ZBBX: variants seen among roughly 807,000 people sequenced by gnomAD.
ZBBX encodes zinc finger B-box domain-containing protein 1.
ZBBX carries 101 observed loss-of-function variants against 108.5 expected under a neutral mutation model. The observed-to-expected ratio is 0.93, with a 90% confidence interval of 0.79 to 1.10. The LOEUF (loss-of-function observed/expected upper bound fraction) is 1.10, where lower values mean the gene tolerates loss of function less well. Among genes scored for constraint, ZBBX ranks in the 50% least tolerant of loss-of-function variants. ZBBX has a pLI of 0.00. For synonymous variants in ZBBX, 356 were observed against 323.4 expected (o/e 1.10, Z -1.08); for missense variants, 1,009 against 941.4 (o/e 1.07, Z -0.94).
intron 1 of ZBBX, among the ~76,000 whole-genome samples, chr3:167,397,035 C>T (rs929069370): frequency 6.1e-5 from 9 of 148,706 alleles, no homozygotes; most frequent in African/African-American, 2.0e-4. Flanking sequence ...ATTTTTTTCC[C>T]TTTTTTAAAT....
chr3:167,234,194 CTGTACTAA>C, the ZBBX span, among the ~76,000 whole-genome samples: 1 of 151,956 alleles, frequency 6.6e-6, no homozygotes, highest in East Asian at 1.9e-4. Context: ...CCTGGCTCTA[CTGTACTAA>C]TATTTAACAT....
intron 1 of ZBBX, among the ~76,000 whole-genome samples, chr3:167,398,046 C>T (rs1748306271): frequency 6.6e-6 from 1 of 151,650 alleles, no homozygotes; most frequent in Non-Finnish European, 1.5e-5. Context: ...TTTGTTCTGG[C>T]ACTTTGTTTC....
At chr3:167,276,405 T>C (rs1269442029) in intron 20 of ZBBX, among the ~76,000 whole-genome samples, 2 of 152,160 alleles carry the variant, frequency 1.3e-5, no homozygotes, top group Non-Finnish European at 2.9e-5. Context: ...AAGGAGCTGA[T>C]GGAGCTGAAA....
At chr3:167,192,340 G>A in the ZBBX span, among the ~76,000 whole-genome samples, 2 of 151,994 alleles carry the variant, frequency 1.3e-5, no homozygotes, top group Admixed American at 6.6e-5. Context: ...ACTTTTGTTT[G>A]TCTAGGAAAG....
intron 20 of ZBBX, among the ~76,000 whole-genome samples, chr3:167,277,730 A>G (rs960052674): frequency 2.0e-5 from 3 of 152,290 alleles, no homozygotes; most frequent in African/African-American, 7.2e-5. Context: ...AATTGAACTC[A>G]GCTCTGCACC....
chr3:167,287,965 G>A (rs937995303), intron 19 of ZBBX, among the ~76,000 whole-genome samples: 1 of 152,104 alleles, frequency 6.6e-6, no homozygotes, highest in Non-Finnish European at 1.5e-5. Flanking sequence ...CAAATCATAT[G>A]CAATTAAATT....
At chr3:167,397,415 G>A (rs1382195940) in intron 1 of ZBBX, among the ~76,000 whole-genome samples, 2 of 151,594 alleles carry the variant, frequency 1.3e-5, no homozygotes, top group Non-Finnish European at 2.9e-5. Context: ...ATATGCACAT[G>A]CACAAAAACA....
At position 167,388,247 on chromosome 3, in the gene ZBBX, G is replaced by C. The variant is rs557115757; in HGVS notation, c.-445-7842C>G. Among the ~76,000 whole-genome samples, 49 of 151,930 alleles carry C rather than the reference G, an allele frequency of 3.2e-4. 1 individual carries two copies. The highest frequency in any genetic ancestry group is 1.0e-3 in the African/African-American group (43 of 41,456). On this transcript the variant is annotated intron_variant, in intron 1 of 21. Coordinates refer to the ZBBX transcript ENST00000455345. ...AGAGGAACATCAATATCCTAGGGTG[G>C]AACAAATGAGAGTGTGGTTTAAATG...
chr3:167,296,532 T>G (rs1168054193), intron 18 of ZBBX, among the ~76,000 whole-genome samples: 1 of 151,964 alleles, frequency 6.6e-6, no homozygotes, highest in Non-Finnish European at 1.5e-5. Context: ...AGCAAAGTAG[T>G]AGGATACAAA....
At chr3:167,252,371 G>GTGAAA (rs1227762459) in intron 20 of ZBBX, among the ~76,000 whole-genome samples, 1 of 152,190 alleles carries the variant, frequency 6.6e-6, no homozygotes, top group Non-Finnish European at 1.5e-5. Context: ...ACCCTGAGTA[G>GTGAAA]TGAAAGGTGA....
the ZBBX span, among the ~76,000 whole-genome samples, chr3:167,200,366 G>A: frequency 6.6e-6 from 1 of 152,126 alleles, no homozygotes; most frequent in Non-Finnish European, 1.5e-5. Flanking sequence ...TTAACTAGGT[G>A]TCAGGTATTT....
the ZBBX span, among the ~76,000 whole-genome samples, chr3:167,196,602 T>C: frequency 6.6e-6 from 1 of 152,184 alleles, no homozygotes; most frequent in East Asian, 1.9e-4. Context: ...TTATCAACTG[T>C]TAATAATTAC....
intron 20 of ZBBX, among the ~76,000 whole-genome samples, chr3:167,268,662 T>G (rs1223045103): frequency 6.6e-6 from 1 of 152,076 alleles, no homozygotes; most frequent in Admixed American, 6.6e-5. Context: ...GGACAAGGAA[T>G]GTTAAAACTC....
At chr3:167,230,593 A>C in the ZBBX span, among the ~76,000 whole-genome samples, 1 of 151,890 alleles carries the variant, frequency 6.6e-6, no homozygotes, top group East Asian at 2.0e-4. Context: ...GGAGAGTGCT[A>C]AAGAAGGGAG....
chr3:167,191,577 T>C, the ZBBX span, among the ~76,000 whole-genome samples: 1 of 152,048 alleles, frequency 6.6e-6, no homozygotes, highest in Non-Finnish European at 1.5e-5. Flanking sequence ...CTGCACAAGC[T>C]CTGTCTTTGC....
the ZBBX span, among the ~76,000 whole-genome samples, chr3:167,218,382 T>TA: frequency 2.6e-5 from 4 of 152,066 alleles, no homozygotes; most frequent in Non-Finnish European, 2.9e-5. Context: ...GTAGAACAAT[T>TA]AAAAAATCAA....
chr3:167,315,867 T>C (rs1274311754), intron 14 of ZBBX, 38 bp from the exon 15 acceptor site: 2 of 1,344,982 alleles, frequency 1.5e-6, no homozygotes, highest in Admixed American at 2.0e-5. Flanking sequence ...AGTAAGTTCA[T>C]AAAAATTTAT....
intron 20 of ZBBX, among the ~76,000 whole-genome samples, chr3:167,244,673 A>G (rs1002321206): frequency 6.6e-6 from 1 of 152,178 alleles, no homozygotes; most frequent in South Asian, 2.1e-4. Context: ...CAAAAGGTCA[A>G]TTGTACACAA....
At chr3:167,369,994 G>T in intron 4 of ZBBX, among the ~76,000 whole-genome samples, 1 of 152,134 alleles carries the variant, frequency 6.6e-6, no homozygotes, top group East Asian at 1.9e-4. Flanking sequence ...ATAGGATCAT[G>T]AAGAGCCTTG....
Sources: gnomAD v4.1 joint callset for allele counts (sites outside exome capture counted in the v4.1 genomes callset) on GRCh38, gnomAD v4.1.1 for gene constraint, MANE v1.5 for transcripts, NCBI Gene and HGNC (gene_info 2026-07-23, HGNC 2026-07-21) for gene names.